CSMD3: variants seen among roughly 807,000 people sequenced by gnomAD.
CSMD3 encodes the protein CUB and sushi domain-containing protein 3.
Under a neutral mutation model 435.2 loss-of-function variants are expected in CSMD3, and 177 were observed. That is an observed-to-expected ratio of 0.41 (90% CI 0.36 to 0.46). The LOEUF (loss-of-function observed/expected upper bound fraction) is 0.46. Ranked by LOEUF, CSMD3 falls within the 20% of genes least tolerant of loss-of-function variation. CSMD3 has a pLI of 0.34. For missense variants in CSMD3, 4,265 were observed against 4,504.6 expected (o/e 0.95, Z 1.52); for synonymous variants, 1,656 against 1,520.5 (o/e 1.09, Z -2.07).
In CSMD3 at chr8:112,855,037, A is replaced by T. The variant is rs1430659164; in HGVS notation, c.1755+4108T>A. Among the ~76,000 whole-genome samples, 2 of 152,220 alleles carry T rather than the reference A, an allele frequency of 1.3e-5. 1 individual carries two copies. Among genetic ancestry groups the T allele is most frequent in the Non-Finnish European group, 2.9e-5 (2 of 68,032 alleles). On this transcript the variant is annotated intron_variant, in intron 11 of 70. Coordinates refer to ENST00000297405, the MANE Select transcript of CSMD3 (RefSeq NM_198123.2). ...AGATACATTCTAGATTTCAAAGATT[A>T]AGAATAAAAGAAGAGATGGTAAATT...
At chr8:112,747,105 T>C (rs2077444890) in intron 13 of CSMD3, among the ~76,000 whole-genome samples, 1 of 151,020 alleles carries the variant, frequency 6.6e-6, no homozygotes, top group Non-Finnish European at 1.5e-5. Context: ...CTCTTTCCTC[T>C]AGTTCATTAT....
intron 2 of CSMD3, chr8:113,312,465 A>C (rs1412016822): frequency 1.3e-5 from 2 of 152,196 alleles, no homozygotes; most frequent in African/African-American, 2.4e-5. Flanking sequence ...ATTAGGAAAG[A>C]AAGAATGAGA....
At chr8:113,257,664 G>A (rs1247575277) in intron 3 of CSMD3, among the ~76,000 whole-genome samples, 1 of 152,106 alleles carries the variant, frequency 6.6e-6, no homozygotes, top group Non-Finnish European at 1.5e-5. Flanking sequence ...ATTGATGTAT[G>A]TACAATGTCT....
intron 3 of CSMD3, among the ~76,000 whole-genome samples, chr8:113,181,367 T>A (rs2092419673): frequency 6.6e-6 from 1 of 152,074 alleles, no homozygotes; most frequent in Non-Finnish European, 1.5e-5. Flanking sequence ...CATTCTGTTT[T>A]CATATTGTGG....
At chr8:112,682,046 AT>A (rs1274004471) in intron 16 of CSMD3, among the ~76,000 whole-genome samples, 2 of 152,146 alleles carry the variant, frequency 1.3e-5, no homozygotes, top group African/African-American at 4.8e-5. Flanking sequence ...ATTTATTATA[AT>A]TGATCATTAT....
chr8:112,643,625 TTA>T (rs1403314169), intron 20 of CSMD3: 2 of 167,514 alleles, frequency 1.2e-5, no homozygotes, highest in Non-Finnish European at 2.9e-5. Context: ...ATCAGGGAGC[TTA>T]TTTTAAACTC....
Position 112,318,905 on chromosome 8 carries a change from C to G in CSMD3, c.7292G>C (p.Gly2431Ala), listed in dbSNP as rs1822727423. 1.9e-6 allele frequency: 3 copies of G among 1,612,430 alleles called. No individual in the cohort carries two copies. The highest frequency in any genetic ancestry group is 2.5e-6 in the Non-Finnish European group (3 of 1,179,370). Residue 2431 changes from glycine (G) to alanine (A), a missense_variant, in exon 47 of 71, where the codon GGT becomes GCT. Physicochemically the swap from Gly to Ala is moderately conservative, Grantham distance 60. Around this residue, in one of 3 missense-constraint regions of CSMD3, gnomAD observed 3,255 missense variants for 3,380.2 expected, o/e 0.96. Transcript: ENST00000297405. ...YQCLPGFTLV[G>A]NAILTCRLGE... ...TAATCTGCACGTCAGAATTGCATTA[C>G]CAACTAAAGTAAATCCTGGAAGACA...
intron 30 of CSMD3, among the ~76,000 whole-genome samples, chr8:112,499,933 A>G (rs1044098218): frequency 2.0e-5 from 3 of 151,898 alleles, no homozygotes; most frequent in Admixed American, 6.6e-5. Context: ...ACATGGTGAA[A>G]CCCCGTCTCT....
chr8:113,397,481 T>C (rs537666164), intron 1 of CSMD3, among the ~76,000 whole-genome samples: 2 of 152,222 alleles, frequency 1.3e-5, no homozygotes, highest in Non-Finnish European at 1.5e-5. Flanking sequence ...ATATATGTTA[T>C]ATTTTGAATC....
chr8:112,932,828 AAAG>A (rs1262882902), intron 9 of CSMD3, among the ~76,000 whole-genome samples: 3 of 152,124 alleles, frequency 2.0e-5, no homozygotes, highest in African/African-American at 7.2e-5. Context: ...AATAGCTATA[AAAG>A]AAGATTTTAA....
chr8:113,149,782 A>C (rs2091763182), intron 4 of CSMD3, among the ~76,000 whole-genome samples: 1 of 151,926 alleles, frequency 6.6e-6, no homozygotes. Context: ...AGGTTCCTAG[A>C]ATCTCCAAGG....
chr8:112,881,073 T>C (rs1279519869), intron 10 of CSMD3, among the ~76,000 whole-genome samples: 1 of 152,050 alleles, frequency 6.6e-6, no homozygotes. Context: ...ACCTACACTA[T>C]GTATTAAAGA....
chr8:112,527,520 TA>T (rs1168624212), intron 27 of CSMD3, among the ~76,000 whole-genome samples: 1 of 151,994 alleles, frequency 6.6e-6, no homozygotes, highest in Non-Finnish European at 1.5e-5. Context: ...GAGTAGTTGA[TA>T]AAATAAGTGA....
intron 24 of CSMD3, among the ~76,000 whole-genome samples, chr8:112,568,691 G>C (rs1215702088): frequency 1.3e-5 from 2 of 152,140 alleles, no homozygotes; most frequent in East Asian, 3.9e-4. Flanking sequence ...AAGAAGGTGA[G>C]AGAAGCTCAC....
chr8:112,403,343 A>G (rs757634895), intron 35 of CSMD3, among the ~76,000 whole-genome samples: 10 of 152,210 alleles, frequency 6.6e-5, no homozygotes, highest in Non-Finnish European at 1.5e-4. Context: ...TCATCTGTAC[A>G]TTCCAAAAGT....
intron 57 of CSMD3, 80 bp from the exon 58 acceptor site, chr8:112,287,326 G>A: frequency 1.4e-6 from 2 of 1,407,112 alleles, no homozygotes; most frequent in East Asian, 2.3e-5. Context: ...GGCCTGGTAG[G>A]CATTTGTTTT....
intron 5 of CSMD3, among the ~76,000 whole-genome samples, chr8:113,092,791 GTT>G (rs1424229907): frequency 6.6e-6 from 1 of 151,996 alleles, no homozygotes; most frequent in Non-Finnish European, 1.5e-5. Flanking sequence ...TGGTGGTGCG[GTT>G]CCCATAAATG....
chr8:112,964,991 G>A (rs1484156194), intron 7 of CSMD3, among the ~76,000 whole-genome samples: 1 of 151,942 alleles, frequency 6.6e-6, no homozygotes, highest in Non-Finnish European at 1.5e-5. Flanking sequence ...CAGCAGGGTA[G>A]CCATATGCTC....
At chr8:112,746,098 GT>G (rs1006616824) in intron 13 of CSMD3, among the ~76,000 whole-genome samples, 2 of 152,078 alleles carry the variant, frequency 1.3e-5, no homozygotes, top group African/African-American at 4.8e-5. Flanking sequence ...TGCAACTATA[GT>G]TTTATATGCT....
Sources: gnomAD v4.1 joint callset for allele counts (sites outside exome capture counted in the v4.1 genomes callset) on GRCh38, gnomAD v4.1.1 for gene constraint, gnomAD v4.1.1 regional missense constraint, MANE v1.5 for transcripts, NCBI Gene and HGNC (gene_info 2026-07-23, HGNC 2026-07-21) for gene names.